Variants in TBC1D20 observed in about 807,000 individuals in gnomAD.
TBC1D20 encodes the protein chromosome 20 open reading frame 140.
A neutral mutation model predicts 41.6 loss-of-function variants in TBC1D20; 12 were observed. The observed-to-expected ratio is 0.29, with a 90% CI of 0.18 to 0.47. The LOEUF is 0.47. Ranked by LOEUF, TBC1D20 falls within the 20% of genes least tolerant of loss-of-function variation. The pLI is 1.00. For synonymous variants in TBC1D20, 205 were observed against 204.8 expected (o/e 1.00, Z -0.01); for missense variants, 421 against 517.4 (o/e 0.81, Z 1.81).
chr20:456,095 A>G (rs562384248), intron 1 of TBC1D20, among the ~76,000 whole-genome samples: 3 of 152,274 alleles, frequency 2.0e-5, no homozygotes, highest in African/African-American at 4.8e-5. Flanking sequence ...CAGCCTGCAC[A>G]ACATGGCAAA....
chr20:456,562 T>A (rs113970065), intron 1 of TBC1D20, among the ~76,000 whole-genome samples: 1 of 151,558 alleles, frequency 6.6e-6, no homozygotes, highest in Non-Finnish European at 1.5e-5. Context: ...AATGACTTTT[T>A]TTCTTCTTCT....
At chr20:449,047 A>G (rs987949701) in intron 1 of TBC1D20, among the ~76,000 whole-genome samples, 14 of 149,084 alleles carry the variant, frequency 9.4e-5, no homozygotes, top group East Asian at 2.1e-4. Flanking sequence ...AGCGTTCACA[A>G]CGTTGGCCAG....
intron 1 of TBC1D20, among the ~76,000 whole-genome samples, chr20:455,376 G>C (rs1487237413): frequency 2.6e-5 from 4 of 152,152 alleles, no homozygotes; most frequent in African/African-American, 9.7e-5. Flanking sequence ...CCAGTACTTT[G>C]GGAGGCCAAG....
intron 1 of TBC1D20, among the ~76,000 whole-genome samples, chr20:458,607 C>A (rs934426989): frequency 1.3e-5 from 2 of 152,166 alleles, no homozygotes; most frequent in African/African-American, 4.8e-5. Flanking sequence ...AGCCACCATA[C>A]CTGGCCTCCA....
chr20:436,046 C>A lies in TBC1D20; in HGVS notation c.*2540G>T, dbSNP rs1263461785. ...AACTGTGGACAAAAACATCTACACA[C>A]GTATAAAATATCACAGTGCCCTGGG... is the stretch of plus-strand genomic sequence containing the variant. On this transcript the variant is annotated 3_prime_UTR_variant, in exon 8 of 8. Coordinates refer to ENST00000354200, the MANE Select transcript of TBC1D20 (RefSeq NM_144628.4). 1 of 152,256 alleles carries A rather than the reference C, an allele frequency of 6.6e-6. No homozygotes were observed. The highest frequency in any genetic ancestry group is 2.4e-5 in the African/African-American group (1 of 41,454). The allele number at this position is 152,256 out of a possible 1,614,324, so 9.4% of individuals were successfully genotyped here.
At chr20:440,621 G>A (rs548330198) in intron 5 of TBC1D20, 7 of 453,730 alleles carry the variant, frequency 1.5e-5, no homozygotes, top group East Asian at 1.2e-4. Context: ...CTGGGTGCTC[G>A]CCTACTGGCC....
intron 1 of TBC1D20, chr20:450,521 C>T (rs565280353): frequency 5.9e-5 from 9 of 152,268 alleles, no homozygotes; most frequent in Admixed American, 5.2e-4. Flanking sequence ...TGCCACCAGA[C>T]ACTGCCACAG....
At position 439,484 on chromosome 20, in the gene TBC1D20, G is replaced by A. The variant is rs2017185734; in HGVS notation, c.769-189C>T. On this transcript the variant is annotated intron_variant, in intron 6 of 7. Transcript: ENST00000354200. This position sits in a 1 kb window ranked among gnomAD's most constrained non-coding sequence, Gnocchi z 4.6. ...ACGCTCAGTGCTACTCCTACTCTCT[G>A]GCCCTTCCTGCAAACTTCCACCACA... Among the ~76,000 whole-genome samples the A allele has an allele frequency of 6.6e-6, 1 of 152,110 alleles. No individual in the cohort carries two copies. The highest frequency in any genetic ancestry group is 2.1e-4 in the South Asian group (1 of 4,824).
intron 1 of TBC1D20, among the ~76,000 whole-genome samples, chr20:448,841 CTTTTTTT>C (rs1157490937): frequency 2.4e-5 from 3 of 127,166 alleles, no homozygotes; most frequent in African/African-American, 3.4e-5. Flanking sequence ...ATTACACGTA[CTTTTTTT>C]TTTTTTTTTT....
chr20:447,843 T>C lies in TBC1D20; in HGVS notation c.256+46A>G, dbSNP rs1272549844. The C allele has an allele frequency of 2.0e-6, 3 of 1,500,856 alleles. No homozygotes were observed. The African/African-American group carries it at 4.2e-5, about 21-fold the overall frequency. The allele number at this position is 1,500,856 out of a possible 1,614,324, so 93.0% of individuals were successfully genotyped here. The stretch of plus-strand genomic sequence containing the variant: ...AAAGATCCTGGAATTCTTTTCCCCC[T>C]GTCTCCTAGATAAGCTCCCCTCACA... On this transcript the variant is annotated intron_variant, in intron 2 of 7. Transcript: ENST00000354200.
chr20:453,468 C>T (rs146991347), intron 1 of TBC1D20, among the ~76,000 whole-genome samples: 9,408 of 145,820 alleles, frequency 0.065, 859 homozygotes, highest in African/African-American at 0.13. Context: ...GCGACAAGAG[C>T]GAAACTCCGT....
intron 1 of TBC1D20, among the ~76,000 whole-genome samples, chr20:455,158 T>C (rs1158385556): frequency 6.6e-6 from 1 of 152,186 alleles, no homozygotes; most frequent in Non-Finnish European, 1.5e-5. Flanking sequence ...GCTTGACTGC[T>C]GTTTCCTGGT....
At position 439,548 on chromosome 20, in the gene TBC1D20, G is replaced by A. The variant is rs552326446; in HGVS notation, c.769-253C>T. Reference sequence around the variant, plus strand: ...TGACCAGTTACAATCTAAGTCCTTCGGGCATGCTGGGCTGCTCAGGTGTCC... The same window carrying A: ...TGACCAGTTACAATCTAAGTCCTTCAGGCATGCTGGGCTGCTCAGGTGTCC... On this transcript the variant is annotated intron_variant, in intron 6 of 7. Coordinates refer to ENST00000354200, the MANE Select transcript of TBC1D20 (RefSeq NM_144628.4). This position sits in a 1 kb window ranked among gnomAD's most constrained non-coding sequence, Gnocchi z 4.6. Among the ~76,000 whole-genome samples the A allele has an allele frequency of 2.4e-4, 36 of 152,282 alleles. No individual in the cohort carries two copies. The highest frequency in any genetic ancestry group is 7.7e-4 in the East Asian group (4 of 5,192).
At chr20:456,413 G>A (rs916337667) in intron 1 of TBC1D20, among the ~76,000 whole-genome samples, 1 of 152,232 alleles carries the variant, frequency 6.6e-6, no homozygotes, top group African/African-American at 2.4e-5. Flanking sequence ...CACTTAATGG[G>A]TGTCTACTTG....
chr20:458,376 C>T (rs576857306), intron 1 of TBC1D20, among the ~76,000 whole-genome samples: 5 of 151,196 alleles, frequency 3.3e-5, no homozygotes, highest in Non-Finnish European at 5.9e-5. Flanking sequence ...AATAGTGGCA[C>T]GATCATGGCT....
chr20:460,464 C>G (rs157796), intron 1 of TBC1D20, among the ~76,000 whole-genome samples: 67,675 of 151,050 alleles, frequency 0.45, 16,132 homozygotes, highest in East Asian at 0.75. Flanking sequence ...GCTTTAACTC[C>G]ACGTCTGTAC....
chr20:449,817 A>G (rs893013885), intron 1 of TBC1D20, among the ~76,000 whole-genome samples: 1 of 152,224 alleles, frequency 6.6e-6, no homozygotes, highest in African/African-American at 2.4e-5. Context: ...GTATTTTACA[A>G]ATCAACCTAC....
intron 1 of TBC1D20, 79 bp downstream of exon 1, chr20:462,257 G>C: frequency 9.5e-7 from 1 of 1,050,740 alleles, no homozygotes; most frequent in Non-Finnish European, 1.2e-6. Context: ...GCGCCCCTCC[G>C]GCGCCGCCTC....
At chr20:440,552 A>T in intron 5 of TBC1D20, 163 bp from the exon 6 acceptor site, 2 of 908,692 alleles carry the variant, frequency 2.2e-6, no homozygotes, top group Non-Finnish European at 1.6e-6. Context: ...TTTAATACAA[A>T]GTCTTTAAGG....
Sources: gnomAD v4.1 joint callset for allele counts (sites outside exome capture counted in the v4.1 genomes callset) on GRCh38, gnomAD v4.1.1 for gene constraint, Gnocchi (gnomAD v3.1) non-coding constraint, MANE v1.5 for transcripts, NCBI Gene and HGNC (gene_info 2026-07-23, HGNC 2026-07-21) for gene names.